The following RAB2B variants were observed in gnomAD, a reference collection of about 807,000 sequenced individuals.
RAB2B encodes ras-related protein Rab-2B.
A neutral mutation model predicts 29.8 loss-of-function variants in RAB2B; 20 were observed. The observed-to-expected ratio is 0.67, with a 90% CI of 0.47 to 0.97. The LOEUF is 0.97. Among genes scored for constraint, RAB2B ranks in the 50% least tolerant of loss-of-function variants. RAB2B has a pLI of 0.00. For missense variants in RAB2B, 218 were observed against 272.0 expected (o/e 0.80, Z 1.40); for synonymous variants, 93 against 91.7 (o/e 1.01, Z -0.08).
intron 4 of RAB2B, 53 bp downstream of exon 4, chr14:21,468,617 G>T: frequency 7.9e-7 from 1 of 1,270,420 alleles, no homozygotes; most frequent in Non-Finnish European, 1.1e-6. Context: ...AAAAAAAAAA[G>T]CTTTAGAGGA....
Position 21,476,608 on chromosome 14 carries a change from G to C in RAB2B, c.47-9C>G, listed in dbSNP as rs1001294350. 2.5e-6 allele frequency: 4 copies of C among 1,613,618 alleles called. No homozygotes were observed. In the African/African-American group the frequency reaches 4.0e-5, roughly 16 times the overall value. On this transcript the variant is annotated splice_polypyrimidine_tract_variant and intron_variant, in intron 1 of 7. Coordinates refer to ENST00000397762, the MANE Select transcript of RAB2B (RefSeq NM_032846.4). Reference sequence around the variant, plus strand: ...ACATGACTTCCCCACACCTGAAAGAGAAAGCACACTCCCGGAATCACGCAG... The same window carrying C: ...ACATGACTTCCCCACACCTGAAAGACAAAGCACACTCCCGGAATCACGCAG...
rs1566467139 is a variant in RAB2B at position 21,463,761 on chromosome 14, T to C, written c.369A>G (p.Leu123=). The C allele has an allele frequency of 6.3e-7, 1 of 1,595,912 alleles. No homozygotes were observed. Among genetic ancestry groups the C allele is most frequent in the East Asian group, 2.2e-5 (1 of 44,782 alleles). The change falls in exon 6 of 8, where the codon CTA becomes CTG. Residue 123 remains leucine, a synonymous_variant. Coordinates refer to ENST00000397762, the MANE Select transcript of RAB2B (RefSeq NM_032846.4). ...VIMLIGNKSD[L]ESRRDVKREE... ...CTCTCTTCACATCCCTGCGGGACTC[T>C]AGGTCACTGCAAGAGATTAATTAAG...
chr14:21,476,111 G>A (rs745723380), intron 2 of RAB2B, among the ~76,000 whole-genome samples: 1 of 152,162 alleles, frequency 6.6e-6, no homozygotes, highest in African/African-American at 2.4e-5. Flanking sequence ...TAATTCTAAG[G>A]CAGGGATGAC....
rs745567029 is a variant in RAB2B, at chr14:21,460,245, G to A, written c.*951C>T. 3.9e-6 allele frequency: 2 copies of A among 518,922 alleles called. No individual in the cohort carries two copies. Among genetic ancestry groups the A allele is most frequent in the Non-Finnish European group, 7.7e-6 (2 of 259,854 alleles). The allele number at this position is 518,922 out of a possible 1,614,324, so 32.1% of individuals were successfully genotyped here. Reference sequence around the variant, plus strand: ...GTAATTGCAAGTGTTCAAATAGAATGTCTTTGACCCTAATTCTTAGTGGGA... The same window carrying A: ...GTAATTGCAAGTGTTCAAATAGAATATCTTTGACCCTAATTCTTAGTGGGA... On this transcript the variant is annotated 3_prime_UTR_variant, in exon 8 of 8. Transcript: ENST00000397762.
intron 6 of RAB2B, among the ~76,000 whole-genome samples, chr14:21,463,262 T>TC: frequency 6.6e-6 from 1 of 151,254 alleles, no homozygotes; most frequent in African/African-American, 2.4e-5. Context: ...TTTTTTTTTT[T>TC]TGGAGATGGA....
chr14:21,476,923 CCTCCGACCTCTCTAGCCACTCAAT>C lies in RAB2B; in HGVS notation c.-75_-52del, dbSNP rs1399720830. The stretch of plus-strand genomic sequence containing the variant: ...TCCGCCCGACTTCTATAGCCACTTA[CCTCCGACCTCTCTAGCCACTCAAT>C]CTACCGATCTTCTTCTTCTCCCCCT... On this transcript the variant is annotated 5_prime_UTR_variant, in exon 1 of 8. Transcript: ENST00000397762. The C allele has an allele frequency of 1.3e-6, 2 of 1,587,404 alleles. No homozygotes were observed. The highest frequency in any genetic ancestry group is 1.7e-6 in the Non-Finnish European group (2 of 1,158,046).
chr14:21,473,065 GGGATAGATCTGTAGAGATAGAC>G (rs145287245), intron 3 of RAB2B, among the ~76,000 whole-genome samples: 4,258 of 152,236 alleles, frequency 0.028, 217 homozygotes, highest in African/African-American at 0.097. Context: ...AGGGGATCAG[GGGATAGATCTGTAGAGATAGAC>G]GGATAGATGG....
At chr14:21,463,021 T>C (rs1368436967) in intron 6 of RAB2B, among the ~76,000 whole-genome samples, 1 of 151,920 alleles carries the variant, frequency 6.6e-6, no homozygotes, top group Non-Finnish European at 1.5e-5. Context: ...TCTCCACTGG[T>C]TACCGAAGAT....
intron 3 of RAB2B, among the ~76,000 whole-genome samples, chr14:21,473,968 C>A (rs566983159): frequency 6.6e-5 from 10 of 151,980 alleles, no homozygotes; most frequent in Non-Finnish European, 1.2e-4. Context: ...GCTGAGATCA[C>A]GCCACTGCAC....
intron 3 of RAB2B, among the ~76,000 whole-genome samples, chr14:21,473,487 G>A (rs1390619420): frequency 2.0e-5 from 3 of 152,230 alleles, no homozygotes; most frequent in Non-Finnish European, 4.4e-5. Flanking sequence ...ATTACTACAT[G>A]TATCAAATTT....
intron 3 of RAB2B, among the ~76,000 whole-genome samples, chr14:21,473,986 T>C (rs558886946): frequency 8.5e-4 from 129 of 152,130 alleles, no homozygotes; most frequent in African/African-American, 3.1e-3. Context: ...CACTCCAGCC[T>C]GGGCAACAGA....
At chr14:21,476,367 A>G in intron 2 of RAB2B, 161 bp downstream of exon 2, 2 of 698,876 alleles carry the variant, frequency 2.9e-6, no homozygotes, top group South Asian at 3.6e-5. Context: ...CTCCCCACAT[A>G]TCAACGTTTC....
intron 3 of RAB2B, 34 bp downstream of exon 3, chr14:21,474,832 TA>T: frequency 6.4e-7 from 1 of 1,554,798 alleles, no homozygotes; most frequent in South Asian, 1.1e-5. Flanking sequence ...TATACTTGGA[TA>T]TTGGTCAGAG....
Position 21,474,950 on chromosome 14 carries a change from G to T in RAB2B, c.119-16C>A. On this transcript the variant is annotated splice_polypyrimidine_tract_variant and intron_variant, in intron 2 of 7. Transcript: ENST00000397762. ...AACTCCACACCTGTCGGTAAAGACC[G>T]AGAGAAAGAATGTGATTCTCACGAA... 6.2e-7 allele frequency: 1 copy of T among 1,611,260 alleles called. No homozygotes were observed. Among genetic ancestry groups the T allele is most frequent in the South Asian group, 1.1e-5 (1 of 91,014 alleles).
intron 3 of RAB2B, among the ~76,000 whole-genome samples, chr14:21,470,152 A>G (rs1842160701): frequency 1.3e-5 from 2 of 151,340 alleles, no homozygotes; most frequent in Admixed American, 6.6e-5. Flanking sequence ...ATGGGTTTTC[A>G]CTATGTTGGC....
At chr14:21,476,218 T>C in intron 2 of RAB2B, 2 of 298,032 alleles carry the variant, frequency 6.7e-6, no homozygotes, top group Middle Eastern at 9.7e-4. Flanking sequence ...AAAGCACAGA[T>C]GAGTTCATAA....
chr14:21,475,580 C>T (rs935653701), intron 2 of RAB2B, among the ~76,000 whole-genome samples: 1 of 152,078 alleles, frequency 6.6e-6, no homozygotes, highest in African/African-American at 2.4e-5. Flanking sequence ...CAGGCACACG[C>T]CACAACGCCC....
intron 1 of RAB2B, 77 bp from the exon 2 acceptor site, chr14:21,476,676 A>C (rs1566475763): frequency 1.9e-6 from 3 of 1,612,550 alleles, no homozygotes; most frequent in Non-Finnish European, 1.7e-6. Flanking sequence ...GGACCAGAGA[A>C]GGGGGGCTCC....
chr14:21,474,992 T>G lies in RAB2B; in HGVS notation c.119-58A>C, dbSNP rs752317051. The G allele has an allele frequency of 1.5e-4, 220 of 1,426,812 alleles. 1 individual carries two copies. Among genetic ancestry groups the G allele is most frequent in the Admixed American group, 2.5e-4 (15 of 59,684 alleles). The allele number at this position is 1,426,812 out of a possible 1,614,324, so 88.4% of individuals were successfully genotyped here. A position where few individuals can be genotyped will look rare whatever the true frequency, so the allele number is the denominator to read the frequency against. On this transcript the variant is annotated intron_variant, in intron 2 of 7. Coordinates refer to ENST00000397762, the MANE Select transcript of RAB2B (RefSeq NM_032846.4). ...TCTCACGAACAGCAGCCACGTGGAG[T>G]GGGAGGTTCCTGCCTTTCCTCAATG...
Sources: gnomAD v4.1 joint callset for allele counts (sites outside exome capture counted in the v4.1 genomes callset) on GRCh38, gnomAD v4.1.1 for gene constraint, MANE v1.5 for transcripts, NCBI Gene and HGNC (gene_info 2026-07-23, HGNC 2026-07-21) for gene names.